Variants in CELF2 observed in about 807,000 individuals in gnomAD.
CELF2 encodes CUGBP Elav-like family member 2, also known as CUG triplet repeat RNA-binding protein 2.
Under a neutral mutation model 62.6 loss-of-function variants are expected in CELF2, and 8 were observed. The observed-to-expected ratio is 0.13, with a 90% confidence interval of 0.07 to 0.23. CELF2 has a LOEUF of 0.23. Among genes scored for constraint, CELF2 ranks in the 10% least tolerant of loss-of-function variants. The pLI, the probability that CELF2 is intolerant of heterozygous loss-of-function variation, is 1.00. For synonymous variants in CELF2, 258 were observed against 250.0 expected (o/e 1.03, Z -0.30); for missense variants, 333 against 671.0 (o/e 0.50, Z 5.56).
rs561257784 is a variant in CELF2 at position 11,066,433 on chromosome 10, G to A, written c.74+48270G>A. On this transcript the variant is annotated intron_variant, in intron 1 of 12. Coordinates refer to ENST00000633077, the MANE Select transcript of CELF2 (RefSeq NM_001326342.2). ...ACCTTCATTTTATAGGGGAGGACCCGGAGACTGGGAGAGCATAAATGATTC... is the reference window on the plus strand; with the variant it reads ...ACCTTCATTTTATAGGGGAGGACCCAGAGACTGGGAGAGCATAAATGATTC... Among the ~76,000 whole-genome samples the A allele has an allele frequency of 2.6e-5, 4 of 152,148 alleles. No homozygotes were observed. The South Asian group carries it at 8.3e-4, about 32-fold the overall frequency.
rs1403224203 is a variant in CELF2, at chr10:11,012,549, T to TTGC, written c.53+7113_53+7115dup. On this transcript the variant is annotated intron_variant, in intron 1 of 12. Transcript: ENST00000416382. This position sits in a 1 kb window ranked among gnomAD's most constrained non-coding sequence, Gnocchi z 5.5. ...ATTTCTCTTCCTTTCACCCCACCTG[T>TTGC]TGCTGCCTTCTCCGGGACCGAATGT... 6.6e-6 allele frequency among the ~76,000 whole-genome samples: 1 copy of TTGC among 152,216 alleles called. No homozygotes were observed. Among genetic ancestry groups the TTGC allele is most frequent in the Non-Finnish European group, 1.5e-5 (1 of 68,038 alleles).
chr10:10,990,722 A>G lies in CELF2; in HGVS notation c.89+70723A>G, dbSNP rs1242167296. 3.9e-5 allele frequency among the ~76,000 whole-genome samples: 6 copies of G among 152,240 alleles called. No homozygotes were observed. The highest frequency in any genetic ancestry group is 7.3e-5 in the Non-Finnish European group (5 of 68,040). On this transcript the variant is annotated intron_variant, in intron 2 of 13. Coordinates refer to the CELF2 transcript ENST00000636488. The surrounding 1 kb of genome is among the most constrained non-coding windows in gnomAD (Gnocchi z 4.6). ...AGAGATTTGTAGATAAATAATTGTT[A>G]TAAAACAAGTCTTGTTTCTGCCTGA... is the stretch of plus-strand genomic sequence containing the variant.
At chr10:10,507,567 C>T in the CELF2 span, among the ~76,000 whole-genome samples, 349 of 152,192 alleles carry the variant, frequency 2.3e-3, 5 homozygotes, top group East Asian at 0.054. Flanking sequence ...CATGATCCCA[C>T]TAGCTACCTA....
Position 10,995,873 on chromosome 10 carries a change from C to G in CELF2, c.89+75874C>G, listed in dbSNP as rs1315543002. ...TGTAAACTCATGGGCATTCTAGTTT[C>G]TATATATTTATGTTCATCAAATTAT... On this transcript the variant is annotated intron_variant, in intron 2 of 13. Coordinates refer to the CELF2 transcript ENST00000636488. The surrounding 1 kb of genome is among the most constrained non-coding windows in gnomAD (Gnocchi z 4.7). Among the ~76,000 whole-genome samples, 2 of 152,014 alleles carry G rather than the reference C, an allele frequency of 1.3e-5. No individual in the cohort carries two copies. The highest frequency in any genetic ancestry group is 1.5e-5 in the Non-Finnish European group (1 of 68,008).
chr10:10,780,351 T>C, the CELF2 span, among the ~76,000 whole-genome samples: 1 of 152,308 alleles, frequency 6.6e-6, no homozygotes, highest in East Asian at 1.9e-4. Flanking sequence ...TTAAAGAAGA[T>C]AGGTGCTCAG....
In CELF2 at chr10:11,103,487, A is replaced by ATTTTTTTTTTTTTTTTTTTTTTT. The variant is rs3054364; in HGVS notation, c.75-61979_75-61978insTTTTTTTTTTTTTTTTTTTTTTT. Among the ~76,000 whole-genome samples the ATTTTTTTTTTTTTTTTTTTTTTT allele has an allele frequency of 3.3e-4, 40 of 119,724 alleles. 2 individuals are homozygous for ATTTTTTTTTTTTTTTTTTTTTTT. The highest frequency in any genetic ancestry group is 5.4e-4 in the South Asian group (2 of 3,726). 78.5% of individuals were successfully genotyped at this position (119,724 alleles called of 152,430 possible). A position where few individuals can be genotyped will look rare whatever the true frequency, so the allele number is the denominator to read the frequency against. On this transcript the variant is annotated intron_variant, in intron 1 of 12. Coordinates refer to ENST00000633077, the MANE Select transcript of CELF2 (RefSeq NM_001326342.2). ...CGGATAAACCTGTGTTTGTAGCCTG[A>ATTTTTTTTTTTTTTTTTTTTTTT]TTTTTTTTTTTTTTTTTTTTACTGT...
In CELF2 at chr10:11,058,144, G is replaced by A. The variant is rs541746390; in HGVS notation, c.74+39981G>A. ...CCAGTGGAGGATCTGGCATGTTCCA[G>A]TCGAGTTGTAGTATTTATTGCAAAC... On this transcript the variant is annotated intron_variant, in intron 1 of 12. Transcript: ENST00000633077. Among the ~76,000 whole-genome samples, 5 of 151,002 alleles carry A rather than the reference G, an allele frequency of 3.3e-5. No homozygotes were observed. The South Asian group carries it at 1.0e-3, about 32-fold the overall frequency.
chr10:11,299,173 G>A (rs2093473334), intron 9 of CELF2, among the ~76,000 whole-genome samples: 1 of 152,230 alleles, frequency 6.6e-6, no homozygotes, highest in Non-Finnish European at 1.5e-5. Context: ...AGACTGCTGT[G>A]TCCAGGCAGG....
chr10:11,107,028 C>T (rs1462744925), intron 1 of CELF2, among the ~76,000 whole-genome samples: 5 of 152,226 alleles, frequency 3.3e-5, no homozygotes, highest in Admixed American at 3.3e-4. Context: ...TCCAGACATC[C>T]CACTTGAACT....
intron 2 of CELF2, among the ~76,000 whole-genome samples, chr10:10,954,370 C>T (rs1213723808): frequency 4.6e-5 from 7 of 151,822 alleles, no homozygotes; most frequent in Non-Finnish European, 7.4e-5. Context: ...CTCAGCCTCC[C>T]GAGTAGCTGG....
chr10:10,868,557 G>T (rs1329821822), intron 1 of CELF2, among the ~76,000 whole-genome samples: 1 of 152,196 alleles, frequency 6.6e-6, no homozygotes, highest in Non-Finnish European at 1.5e-5. Flanking sequence ...ATAAACTCTA[G>T]CCCTGGATGG....
chr10:11,112,296 T>TA (rs1200884501), intron 1 of CELF2, among the ~76,000 whole-genome samples: 1 of 152,074 alleles, frequency 6.6e-6, no homozygotes, highest in East Asian at 1.9e-4. Context: ...TCTCAGGAGG[T>TA]AGAAAGCACC....
chr10:10,991,832 T>G (rs2053473989), intron 2 of CELF2, among the ~76,000 whole-genome samples: 1 of 152,154 alleles, frequency 6.6e-6, no homozygotes, highest in South Asian at 2.1e-4. Context: ...CCCATTATGT[T>G]TATTACTTGA....
chr10:11,169,438 G>A (rs958680539), intron 2 of CELF2, among the ~76,000 whole-genome samples: 1 of 152,202 alleles, frequency 6.6e-6, no homozygotes, highest in Admixed American at 6.5e-5. Flanking sequence ...AGTAAATAAT[G>A]ATGGTGAACA....
At chr10:10,676,501 A>G in the CELF2 span, among the ~76,000 whole-genome samples, 4 of 152,220 alleles carry the variant, frequency 2.6e-5, no homozygotes, top group South Asian at 2.1e-4. Context: ...CAAAGCACCA[A>G]GAGATTTTTC....
the CELF2 span, among the ~76,000 whole-genome samples, chr10:10,517,910 C>T: frequency 6.7e-4 from 102 of 152,266 alleles, no homozygotes; most frequent in African/African-American, 2.3e-3. Flanking sequence ...CTTCCTTTTC[C>T]GGCTTTCCAG....
chr10:10,592,397 T>G, the CELF2 span, among the ~76,000 whole-genome samples: 1 of 152,198 alleles, frequency 6.6e-6, no homozygotes, highest in Non-Finnish European at 1.5e-5. Context: ...GATTCCGATT[T>G]CTATTTTAAA....
chr10:11,274,709 G>T (rs190069491), intron 7 of CELF2, among the ~76,000 whole-genome samples: 1 of 152,328 alleles, frequency 6.6e-6, no homozygotes, highest in East Asian at 1.9e-4. Flanking sequence ...GGGAGGGAAT[G>T]GACCCTGATT....
At position 11,297,453 on chromosome 10, in the gene CELF2, G is replaced by C. The variant is rs370337615; in HGVS notation, c.976+8901G>C. ...TTGGGGTCTGTGCTTGTGGAACAGA[G>C]GGACCAGGGGATGGAAAGGGAGCTT... On this transcript the variant is annotated intron_variant, in intron 9 of 12. Transcript: ENST00000633077. The surrounding 1 kb of genome is among the most constrained non-coding windows in gnomAD (Gnocchi z 4.4). Among the ~76,000 whole-genome samples the C allele has an allele frequency of 6.6e-5, 10 of 152,184 alleles. No homozygotes were observed. Among genetic ancestry groups the C allele is most frequent in the East Asian group, 5.8e-4 (3 of 5,156 alleles).
Sources: allele counts gnomAD v4.1 joint callset (sites outside exome capture counted in the v4.1 genomes callset), GRCh38; gene constraint gnomAD v4.1.1; non-coding constraint Gnocchi (gnomAD v3.1); transcripts MANE v1.5; gene names NCBI Gene and HGNC (gene_info 2026-07-23, HGNC 2026-07-21).